DOCK2: variants seen among roughly 807,000 people sequenced by gnomAD.
DOCK2 encodes the protein dedicator of cytokinesis 2.
A neutral mutation model predicts 248.9 loss-of-function variants in DOCK2; 87 were observed. The observed-to-expected ratio is 0.35, with a 90% confidence interval of 0.29 to 0.42. The LOEUF is 0.42. Among genes scored for constraint, DOCK2 ranks in the 10% least tolerant of loss-of-function variants. The pLI is 1.00. For missense variants in DOCK2, 1,747 were observed against 2,300.2 expected, an observed-to-expected ratio of 0.76 and a Z score of 4.92; for synonymous variants, 805 against 821.6, an observed-to-expected ratio of 0.98 and a Z score of 0.35.
intron 27 of DOCK2, among the ~76,000 whole-genome samples, chr5:169,854,587 G>A (rs1770794100): frequency 6.6e-6 from 1 of 152,268 alleles, no homozygotes; most frequent in Non-Finnish European, 1.5e-5. Flanking sequence ...GTGTGGAGGT[G>A]AAGATATTAT....
At chr5:169,920,054 C>A (rs1396610863) in intron 27 of DOCK2, among the ~76,000 whole-genome samples, 1 of 152,122 alleles carries the variant, frequency 6.6e-6, no homozygotes, top group Admixed American at 6.5e-5. Flanking sequence ...TAATCCACAA[C>A]ACAACTTTGT....
At position 169,783,998 on chromosome 5, in the gene DOCK2, A is replaced by G. The variant is rs1016136777; in HGVS notation, c.2555-19060A>G. 1.3e-5 allele frequency among the ~76,000 whole-genome samples: 2 copies of G among 152,210 alleles called. 1 individual carries two copies. Among genetic ancestry groups the G allele is most frequent in the South Asian group, 4.1e-4 (2 of 4,832 alleles). ...AAGGACTGTTTGACCCAGGCAAGTG[A>G]TGAGGTGATTTGTAAGGCCAATTTA... On this transcript the variant is annotated intron_variant, in intron 25 of 51. Transcript: ENST00000520908.
At chr5:169,658,980 CATTATTATTATTATTATTATTATTATT>C (rs200506411) in intron 2 of DOCK2, among the ~76,000 whole-genome samples, 2,532 of 136,258 alleles carry the variant, frequency 0.019, 38 homozygotes, top group Middle Eastern at 0.034. Flanking sequence ...TACAAGACTG[CATTATTATTATTATTATTATTATTATT>C]ATTATTATTA....
intron 4 of DOCK2, 125 bp downstream of exon 4, chr5:169,670,722 A>G (rs965510669): frequency 4.8e-5 from 56 of 1,157,436 alleles, no homozygotes; most frequent in Admixed American, 2.0e-4. Context: ...GTGCCTGTGT[A>G]TATTTGTGGG....
At chr5:169,917,947 T>C (rs898825323) in intron 27 of DOCK2, among the ~76,000 whole-genome samples, 7 of 152,260 alleles carry the variant, frequency 4.6e-5, no homozygotes, top group Admixed American at 1.3e-4. Context: ...TTACAAACTA[T>C]CAAAACCAGG....
At chr5:170,058,334 A>G (rs1757209944) in intron 44 of DOCK2, among the ~76,000 whole-genome samples, 1 of 152,210 alleles carries the variant, frequency 6.6e-6, no homozygotes, top group African/African-American at 2.4e-5. Context: ...CATGTTAGGC[A>G]CTGTTGTAAG....
chr5:169,925,508 A>G (rs187912321), intron 27 of DOCK2, among the ~76,000 whole-genome samples: 2 of 138,406 alleles, frequency 1.4e-5, no homozygotes, highest in Admixed American at 1.6e-4. Context: ...TGAACCCAGG[A>G]GGTGGAGATT....
chr5:169,674,380 C>T lies in DOCK2; in HGVS notation c.405C>T (p.Thr135=), dbSNP rs373741346. 10 of 1,614,050 alleles carry T rather than the reference C, an allele frequency of 6.2e-6. No homozygotes were observed. The highest frequency in any genetic ancestry group is 8.5e-6 in the Non-Finnish European group (10 of 1,180,024). Residue 135 remains threonine (T), a synonymous_variant, in exon 6 of 52, where the codon ACC becomes ACT. Coordinates refer to ENST00000520908, the MANE Select transcript of DOCK2 (RefSeq NM_004946.3). ...MEWRSQLLSG[T]LPKDELKELK... is the part of the protein sequence containing the mutation. Reference sequence around the variant, plus strand: ...GGAGGTCCCAGCTTCTCTCAGGAACCTTACCCAAGGATGAGCTGAAGGAAC... The same window carrying T: ...GGAGGTCCCAGCTTCTCTCAGGAACTTTACCCAAGGATGAGCTGAAGGAAC...
chr5:169,803,010 A>C (rs1767097487), intron 25 of DOCK2, 48 bp from the exon 26 acceptor site: 1 of 1,592,878 alleles, frequency 6.3e-7, no homozygotes, highest in Non-Finnish European at 8.5e-7. Flanking sequence ...AAGAAAAGAA[A>C]CTAAAAAATG....
intron 47 of DOCK2, among the ~76,000 whole-genome samples, chr5:170,077,327 G>A (rs1417735852): frequency 6.6e-6 from 1 of 152,160 alleles, no homozygotes; most frequent in African/African-American, 2.4e-5. Flanking sequence ...CCACTCCCTG[G>A]AGGTTGAGCT....
intron 22 of DOCK2, among the ~76,000 whole-genome samples, chr5:169,738,694 G>A (rs1391994989): frequency 6.6e-5 from 10 of 152,292 alleles, no homozygotes; most frequent in African/African-American, 2.4e-4. Flanking sequence ...ACGTGTTATT[G>A]CTGAACGTAA....
chr5:169,776,719 C>T (rs951790901), intron 25 of DOCK2, among the ~76,000 whole-genome samples: 1 of 152,190 alleles, frequency 6.6e-6, no homozygotes, highest in Non-Finnish European at 1.5e-5. Flanking sequence ...TTTCCCCATG[C>T]TGTTCTCATG....
chr5:169,748,574 T>C (rs963122625), intron 23 of DOCK2, among the ~76,000 whole-genome samples: 1 of 152,226 alleles, frequency 6.6e-6, no homozygotes, highest in African/African-American at 2.4e-5. Context: ...ACTATCTTAT[T>C]CATATGTGTC....
chr5:169,757,652 G>A (rs1313914012), intron 23 of DOCK2, among the ~76,000 whole-genome samples: 3 of 152,146 alleles, frequency 2.0e-5, no homozygotes, highest in Non-Finnish European at 2.9e-5. Flanking sequence ...GGAACAACAG[G>A]ATAAGTGGGA....
intron 23 of DOCK2, among the ~76,000 whole-genome samples, chr5:169,755,496 A>G (rs1581144141): frequency 6.6e-6 from 1 of 152,314 alleles, no homozygotes; most frequent in Non-Finnish European, 1.5e-5. Context: ...TAATCCCAGC[A>G]CTTTGGGAGG....
intron 26 of DOCK2, among the ~76,000 whole-genome samples, chr5:169,818,158 G>A (rs1309299153): frequency 1.3e-5 from 2 of 152,188 alleles, no homozygotes; most frequent in African/African-American, 4.8e-5. Flanking sequence ...CTCTGGGGCA[G>A]AGATTAGAGC....
At chr5:169,878,365 A>G (rs999336768) in intron 27 of DOCK2, among the ~76,000 whole-genome samples, 2 of 152,272 alleles carry the variant, frequency 1.3e-5, no homozygotes, top group Non-Finnish European at 1.5e-5. Context: ...ATTTAAAAAC[A>G]TGTTTTATGT....
At chr5:169,906,553 A>G (rs1180069892) in intron 27 of DOCK2, among the ~76,000 whole-genome samples, 4 of 152,098 alleles carry the variant, frequency 2.6e-5, no homozygotes, top group Admixed American at 1.3e-4. Flanking sequence ...GCTGGTCTTA[A>G]GTTCCTGGGT....
At chr5:169,754,408 C>A (rs965562297) in intron 23 of DOCK2, among the ~76,000 whole-genome samples, 5 of 152,114 alleles carry the variant, frequency 3.3e-5, no homozygotes, top group Non-Finnish European at 7.3e-5. Context: ...AGAGTGGACC[C>A]TTAATCTAGG....
Sources: allele counts gnomAD v4.1 joint callset (sites outside exome capture counted in the v4.1 genomes callset), GRCh38; gene constraint gnomAD v4.1.1; transcripts MANE v1.5; gene names NCBI Gene and HGNC (gene_info 2026-07-23, HGNC 2026-07-21).